PDS5A: variants seen among roughly 807,000 people sequenced by gnomAD.
PDS5A encodes sister chromatid cohesion protein PDS5 homolog A.
Under a neutral mutation model 167.1 loss-of-function variants are expected in PDS5A, and 42 were observed. That is an observed-to-expected ratio of 0.25 (90% CI 0.20 to 0.33). The LOEUF is 0.33. Among genes scored for constraint, PDS5A ranks in the 10% least tolerant of loss-of-function variants. The probability of loss-of-function intolerance (pLI) is 1.00; values close to 1 mark genes in which losing one functional copy is unlikely to be tolerated. For missense variants in PDS5A, 1,033 were observed against 1,605.9 expected (o/e 0.64, Z 6.10); for synonymous variants, 553 against 554.6 (o/e 1.00, Z 0.04).
At chr4:39,842,935 A>ATATATATATATATT (rs1717190137) in intron 30 of PDS5A, among the ~76,000 whole-genome samples, 1 of 139,726 alleles carries the variant, frequency 7.2e-6, no homozygotes, top group Non-Finnish European at 1.5e-5. Flanking sequence ...ATATATATAT[A>ATATATATATATATT]TATTTTAAGA....
intron 2 of PDS5A, among the ~76,000 whole-genome samples, chr4:39,957,345 C>T (rs756870085): frequency 2.0e-5 from 3 of 151,878 alleles, no homozygotes; most frequent in Non-Finnish European, 4.4e-5. Flanking sequence ...AAAAAGCATA[C>T]ACTAAGTGAT....
At chr4:39,961,402 G>A (rs528811188) in intron 2 of PDS5A, among the ~76,000 whole-genome samples, 2 of 152,050 alleles carry the variant, frequency 1.3e-5, no homozygotes, top group African/African-American at 2.4e-5. Flanking sequence ...TAGCTGGGAG[G>A]CGCCCGCCAC....
At chr4:39,843,957 G>A (rs1456211397) in intron 30 of PDS5A, among the ~76,000 whole-genome samples, 2 of 151,432 alleles carry the variant, frequency 1.3e-5, no homozygotes, top group Non-Finnish European at 2.9e-5. Flanking sequence ...CCGACCTGGG[G>A]AAGATGACGA....
At chr4:39,899,854 A>T (rs1245682846) in intron 14 of PDS5A, among the ~76,000 whole-genome samples, 1 of 67,152 alleles carries the variant, frequency 1.5e-5, no homozygotes, top group Non-Finnish European at 4.0e-5. Flanking sequence ...TGTGTATTAA[A>T]AAAAAAAAAA....
At chr4:39,876,506 C>T (rs1280636694) in intron 19 of PDS5A, among the ~76,000 whole-genome samples, 5 of 152,126 alleles carry the variant, frequency 3.3e-5, no homozygotes. Context: ...GTATTGTTTC[C>T]TTCAAAAGAT....
chr4:39,950,080 T>G (rs1476362094), intron 2 of PDS5A, among the ~76,000 whole-genome samples: 1 of 151,932 alleles, frequency 6.6e-6, no homozygotes, highest in African/African-American at 2.4e-5. Context: ...TTATTTTCTA[T>G]GTTTTTAGTA....
Position 39,894,789 on chromosome 4 carries a change from C to T in PDS5A, c.1770+3600G>A, listed in dbSNP as rs535861688. Among the ~76,000 whole-genome samples, 8 of 152,232 alleles carry T rather than the reference C, an allele frequency of 5.3e-5. No individual in the cohort carries two copies. The South Asian group carries it at 1.5e-3, about 28-fold the overall frequency. On this transcript the variant is annotated intron_variant, in intron 16 of 32. Transcript: ENST00000303538. ...GCCTGGTCCCAAGCATAGTACTTGA[C>T]GTTTATGTCTAACATTGTGAGAAGG...
intron 2 of PDS5A, among the ~76,000 whole-genome samples, chr4:39,951,878 T>A (rs1728429884): frequency 8.6e-6 from 1 of 116,122 alleles, no homozygotes; most frequent in Admixed American, 1.1e-4. Context: ...CCAGCCTGGG[T>A]GACAGAGCAG....
chr4:39,970,442 TAAAAA>T lies in PDS5A; in HGVS notation c.138+5993_138+5997del, dbSNP rs11345890. Among the ~76,000 whole-genome samples the T allele has an allele frequency of 1.1e-4, 15 of 142,448 alleles. No individual in the cohort carries two copies. In the South Asian group the frequency reaches 2.2e-3, roughly 21 times the overall value. The allele number at this position is 142,448 out of a possible 152,430, so 93.5% of individuals were successfully genotyped here. A position where few individuals can be genotyped will look rare whatever the true frequency, so the allele number is the denominator to read the frequency against. ...TTCACAATAGTTTCTCTCAAATGCTTAAAAAAAAAAAAAAAGCTGTCCTTTTTCTC... is the reference window on the plus strand; with the variant it reads ...TTCACAATAGTTTCTCTCAAATGCTTAAAAAAAAAAGCTGTCCTTTTTCTC... On this transcript the variant is annotated intron_variant, in intron 2 of 32. Transcript: ENST00000303538.
At chr4:39,889,029 C>G (rs144042972) in intron 17 of PDS5A, among the ~76,000 whole-genome samples, 12 of 152,240 alleles carry the variant, frequency 7.9e-5, no homozygotes, top group Admixed American at 7.9e-4. Flanking sequence ...ATGTTATGGG[C>G]TGACATGTGT....
intron 2 of PDS5A, among the ~76,000 whole-genome samples, chr4:39,954,585 T>C (rs1319543016): frequency 6.7e-6 from 1 of 148,848 alleles, no homozygotes; most frequent in African/African-American, 2.5e-5. Flanking sequence ...CCTCTCAAAG[T>C]GCTGGGATTA....
At chr4:39,838,891 T>C (rs1578578712) in intron 31 of PDS5A, among the ~76,000 whole-genome samples, 1 of 151,938 alleles carries the variant, frequency 6.6e-6, no homozygotes, top group Admixed American at 6.6e-5. Flanking sequence ...TGGTGGCCCA[T>C]GCCTGTAATC....
chr4:39,892,455 C>T (rs954396701), intron 16 of PDS5A, among the ~76,000 whole-genome samples: 4 of 152,236 alleles, frequency 2.6e-5, no homozygotes, highest in African/African-American at 9.6e-5. Flanking sequence ...ATTCTTCACA[C>T]AATGGTCTAA....
chr4:39,887,537 T>C (rs1269166933), intron 17 of PDS5A, among the ~76,000 whole-genome samples: 4 of 152,184 alleles, frequency 2.6e-5, no homozygotes, highest in African/African-American at 9.7e-5. Flanking sequence ...TTTGTATCTA[T>C]GTTCATCAGT....
chr4:39,881,688 C>G (rs1233108030), intron 17 of PDS5A, among the ~76,000 whole-genome samples: 1 of 152,170 alleles, frequency 6.6e-6, no homozygotes, highest in East Asian at 1.9e-4. Flanking sequence ...TTAGCAGGAA[C>G]TCATTCACCA....
intron 2 of PDS5A, among the ~76,000 whole-genome samples, chr4:39,948,229 A>G (rs1727972587): frequency 6.9e-6 from 1 of 145,100 alleles, no homozygotes; most frequent in Non-Finnish European, 1.5e-5. Context: ...AAAAAAAAAA[A>G]GAAAGAAAGA....
chr4:39,850,848 T>A (rs1718064521), intron 26 of PDS5A, among the ~76,000 whole-genome samples: 1 of 152,192 alleles, frequency 6.6e-6, no homozygotes, highest in Non-Finnish European at 1.5e-5. Context: ...AATAGACAAA[T>A]CTGGAAATGG....
intron 2 of PDS5A, among the ~76,000 whole-genome samples, chr4:39,935,131 A>G (rs1187554372): frequency 6.6e-6 from 1 of 152,156 alleles, no homozygotes; most frequent in African/African-American, 2.4e-5. Context: ...GTATTGATTG[A>G]TTGATTGATT....
At chr4:39,938,357 C>T (rs956647735) in intron 2 of PDS5A, among the ~76,000 whole-genome samples, 2 of 152,024 alleles carry the variant, frequency 1.3e-5, no homozygotes, top group Admixed American at 6.6e-5. Flanking sequence ...GAGTTGAAGA[C>T]CAGCCTGGCC....
Sources: allele counts gnomAD v4.1 joint callset (sites outside exome capture counted in the v4.1 genomes callset), GRCh38; gene constraint gnomAD v4.1.1; transcripts MANE v1.5; gene names NCBI Gene and HGNC (gene_info 2026-07-23, HGNC 2026-07-21).